The following SPON1 variants were observed in gnomAD, a reference collection of about 807,000 sequenced individuals.
The protein encoded by SPON1 is spondin-1.
Under a neutral mutation model 111.7 loss-of-function variants are expected in SPON1, and 52 were observed. The observed-to-expected ratio is 0.47, with a 90% CI of 0.37 to 0.59. The LOEUF is 0.59. SPON1 is among the 20% of genes least tolerant of loss of function. SPON1 has a pLI of 0.00. For missense variants in SPON1, 957 were observed against 1,068.5 expected, an observed-to-expected ratio of 0.90 and a Z score of 1.46; for synonymous variants, 410 against 395.8, an observed-to-expected ratio of 1.04 and a Z score of -0.43.
chr11:14,039,247 A>G (rs1490608668), intron 2 of SPON1, among the ~76,000 whole-genome samples: 3 of 152,234 alleles, frequency 2.0e-5, no homozygotes, highest in Admixed American at 1.3e-4. Context: ...ATATGATACT[A>G]CAATGGTGGA....
At chr11:14,182,964 GAGA>G (rs1848250595) in intron 6 of SPON1, among the ~76,000 whole-genome samples, 1 of 152,182 alleles carries the variant, frequency 6.6e-6, no homozygotes, top group South Asian at 2.1e-4. Flanking sequence ...GTCTCTGCAA[GAGA>G]AGAATATAAC....
intron 2 of SPON1, among the ~76,000 whole-genome samples, chr11:14,030,903 C>T (rs995074395): frequency 3.3e-5 from 5 of 152,208 alleles, no homozygotes; most frequent in East Asian, 1.9e-4. Flanking sequence ...GACATAAGCA[C>T]TCATATGTTC....
intron 5 of SPON1, among the ~76,000 whole-genome samples, chr11:14,131,406 G>A (rs1344144713): frequency 6.6e-6 from 1 of 152,122 alleles, no homozygotes; most frequent in Non-Finnish European, 1.5e-5. Flanking sequence ...TTTGAGCCTA[G>A]CATCTGTATT....
intron 1 of SPON1, among the ~76,000 whole-genome samples, chr11:13,977,703 C>G (rs1554909175): frequency 1.6e-5 from 2 of 122,954 alleles, no homozygotes; most frequent in African/African-American, 2.9e-5. Flanking sequence ...TATATCTTCT[C>G]CTTTATTGTT....
At chr11:14,094,211 C>CAA (rs1183210350) in intron 5 of SPON1, among the ~76,000 whole-genome samples, 24 of 101,676 alleles carry the variant, frequency 2.4e-4, no homozygotes, top group East Asian at 1.1e-3. Context: ...GACTCTGTCT[C>CAA]AAAAAAAAAA....
Position 14,257,910 on chromosome 11 carries a change from A to T in SPON1, c.1492+12A>T. ...CTGCAGTGACGAAGGTGAGGAGACA[A>T]CCCAGACCAGCCAGGGGCTGGCAGG... On this transcript the variant is annotated intron_variant, in intron 11 of 15. Transcript: ENST00000576479. 1 of 1,522,760 alleles carries T rather than the reference A, an allele frequency of 6.6e-7. No individual in the cohort carries two copies. The highest frequency in any genetic ancestry group is 1.2e-5 in the South Asian group (1 of 81,626). The allele number at this position is 1,522,760 out of a possible 1,614,324, so 94.3% of individuals were successfully genotyped here. A position where few individuals can be genotyped will look rare whatever the true frequency, so the allele number is the denominator to read the frequency against.
intron 5 of SPON1, among the ~76,000 whole-genome samples, chr11:14,109,444 A>G (rs1849210721): frequency 1.3e-5 from 2 of 152,212 alleles, no homozygotes; most frequent in African/African-American, 2.4e-5. Context: ...TGCACCAATA[A>G]CATAAACACA....
intron 6 of SPON1, among the ~76,000 whole-genome samples, chr11:14,206,216 C>G (rs782398088): frequency 3.9e-5 from 6 of 152,030 alleles, no homozygotes; most frequent in Non-Finnish European, 7.4e-5. Flanking sequence ...TTTTTTGAGA[C>G]TGAGTCTTGC....
At chr11:14,091,282 C>A (rs915359011) in intron 5 of SPON1, among the ~76,000 whole-genome samples, 1 of 152,224 alleles carries the variant, frequency 6.6e-6, no homozygotes, top group Non-Finnish European at 1.5e-5. Context: ...GATCCCGCAC[C>A]GGGGCTGCAG....
At chr11:14,194,999 G>C (rs782529832) in intron 6 of SPON1, among the ~76,000 whole-genome samples, 2 of 152,190 alleles carry the variant, frequency 1.3e-5, no homozygotes, top group Admixed American at 6.5e-5. Flanking sequence ...GTTGGTTGAA[G>C]TCACTGAAAT....
rs571578315 is a variant in SPON1, at chr11:13,984,084, G to A, written c.345+1131G>A. 1.8e-4 allele frequency among the ~76,000 whole-genome samples: 28 copies of A among 152,208 alleles called. No homozygotes were observed. In the South Asian group the frequency reaches 5.8e-3, roughly 32 times the overall value. ...GAACCTCTTGGCATGTATCTGAAAG[G>A]GTGACCCAATAATAATACTAGCAAC... is the stretch of plus-strand genomic sequence containing the variant. On this transcript the variant is annotated intron_variant, in intron 2 of 15. Transcript: ENST00000576479.
chr11:14,105,202 A>G (rs1441634641), intron 5 of SPON1, among the ~76,000 whole-genome samples: 4 of 152,034 alleles, frequency 2.6e-5, no homozygotes, highest in Non-Finnish European at 1.5e-5. Flanking sequence ...CATTCATTCC[A>G]TAAATCTATT....
At chr11:14,215,201 A>G (rs7394673) in intron 6 of SPON1, among the ~76,000 whole-genome samples, 80,823 of 151,904 alleles carry the variant, frequency 0.53, 21,616 homozygotes, top group Middle Eastern at 0.59. Flanking sequence ...GACTACAGGT[A>G]TGCACCACAC....
chr11:14,082,898 A>G (rs1554922180), intron 5 of SPON1, among the ~76,000 whole-genome samples: 1 of 152,092 alleles, frequency 6.6e-6, no homozygotes, highest in African/African-American at 2.4e-5. Context: ...TAGTCATCCA[A>G]AACACTGCTT....
At chr11:14,146,495 C>A (rs764104852) in intron 6 of SPON1, among the ~76,000 whole-genome samples, 84 of 152,044 alleles carry the variant, frequency 5.5e-4, no homozygotes, top group Non-Finnish European at 9.9e-4. Context: ...ACAAAGAAAA[C>A]TTGGATAAGA....
intron 5 of SPON1, among the ~76,000 whole-genome samples, chr11:14,105,254 C>G (rs1554924789): frequency 6.6e-6 from 1 of 151,932 alleles, no homozygotes; most frequent in Non-Finnish European, 1.5e-5. Flanking sequence ...CAGTTCATTC[C>G]TTCTCTTTCT....
At chr11:14,122,553 G>A (rs1218173389) in intron 5 of SPON1, among the ~76,000 whole-genome samples, 13 of 152,042 alleles carry the variant, frequency 8.6e-5, no homozygotes, top group Admixed American at 6.6e-4. Context: ...TAAACCACTT[G>A]TTTTTATTCC....
chr11:14,238,708 C>G (rs1324371057), intron 6 of SPON1, among the ~76,000 whole-genome samples: 1 of 152,196 alleles, frequency 6.6e-6, no homozygotes, highest in East Asian at 1.9e-4. Context: ...AGGGGATATG[C>G]TCTTCCCATT....
intron 1 of SPON1, 91 bp from the exon 2 acceptor site, chr11:13,982,756 G>T: frequency 1.2e-6 from 1 of 851,008 alleles, no homozygotes; most frequent in Non-Finnish European, 1.9e-6. Flanking sequence ...ACAGGTCTGG[G>T]ATATCGATGG....
Sources: gnomAD v4.1 joint callset for allele counts (sites outside exome capture counted in the v4.1 genomes callset) on GRCh38, gnomAD v4.1.1 for gene constraint, MANE v1.5 for transcripts, NCBI Gene and HGNC (gene_info 2026-07-23, HGNC 2026-07-21) for gene names.